PIEZO2: variants seen among roughly 807,000 people sequenced by gnomAD.
The protein encoded by PIEZO2 is piezo type mechanosensitive ion channel component 2.
A neutral mutation model predicts 337.3 loss-of-function variants in PIEZO2; 172 were observed. The ratio of observed to expected loss-of-function variants is 0.51; its 90% CI spans 0.45 to 0.58. The LOEUF is 0.58. Among genes scored for constraint, PIEZO2 ranks in the 20% least tolerant of loss-of-function variants. The pLI is 0.00. For synonymous variants in PIEZO2, 1,251 were observed against 1,228.5 expected (o/e 1.02, Z -0.38); for missense variants, 3,028 against 3,391.3 (o/e 0.89, Z 2.66).
chr18:10,694,039 A>C (rs1217984437), intron 47 of PIEZO2, among the ~76,000 whole-genome samples: 2 of 152,186 alleles, frequency 1.3e-5, no homozygotes, highest in Non-Finnish European at 2.9e-5. Flanking sequence ...GGAATGGAGA[A>C]CTGGGTTATT....
rs1598443833 is a variant in PIEZO2, at chr18:10,761,155, G to A, written c.3250-44C>T. The A allele has an allele frequency of 7.4e-6, 11 of 1,490,402 alleles. No homozygotes were observed. In the East Asian group the frequency reaches 2.5e-4, roughly 33 times the overall value. 92.3% of individuals were successfully genotyped at this position (1,490,402 alleles called of 1,614,324 possible). Reference sequence around the variant, plus strand: ...CAAATGTGTCAGCCAGAGGCTTTATGATTTGGTAATTTCAAGCAATCCCCA... The same window carrying A: ...CAAATGTGTCAGCCAGAGGCTTTATAATTTGGTAATTTCAAGCAATCCCCA... On this transcript the variant is annotated intron_variant, in intron 23 of 55. Coordinates refer to ENST00000674853, the MANE Select transcript of PIEZO2 (RefSeq NM_001378183.1).
In PIEZO2 at chr18:10,713,884, A is replaced by T. The variant is rs184257464; in HGVS notation, c.5423+880T>A. Reference sequence around the variant, plus strand: ...ACAGGGACTTCTGCTTTAATTTAGAATCTAGCTCTGTACAATTGTTATCAG... The same window carrying T: ...ACAGGGACTTCTGCTTTAATTTAGATTCTAGCTCTGTACAATTGTTATCAG... On this transcript the variant is annotated intron_variant, in intron 39 of 55. Coordinates refer to ENST00000674853, the MANE Select transcript of PIEZO2 (RefSeq NM_001378183.1). This position sits in a 1 kb window ranked among gnomAD's most constrained non-coding sequence, Gnocchi z 4.5. Among the ~76,000 whole-genome samples the T allele has an allele frequency of 2.5e-3, 375 of 152,294 alleles. 1 individual carries two copies. The highest frequency in any genetic ancestry group is 2.8e-3 in the Non-Finnish European group (192 of 68,018).
At chr18:11,093,286 A>G (rs986751856) in intron 1 of PIEZO2, among the ~76,000 whole-genome samples, 2 of 152,198 alleles carry the variant, frequency 1.3e-5, no homozygotes, top group Non-Finnish European at 2.9e-5. Flanking sequence ...AACACCCTAC[A>G]TGGCAAACCC....
Position 10,675,381 on chromosome 18 carries a change from C to T in PIEZO2, c.8082-93G>A, listed in dbSNP as rs1056429315. 1.0e-5 allele frequency: 7 copies of T among 690,676 alleles called. No homozygotes were observed. The African/African-American group carries it at 1.3e-4, about 13-fold the overall frequency. The allele number at this position is 690,676 out of a possible 1,614,324, so 42.8% of individuals were successfully genotyped here. A position where few individuals can be genotyped will look rare whatever the true frequency, so the allele number is the denominator to read the frequency against. On this transcript the variant is annotated intron_variant, in intron 53 of 55. Transcript: ENST00000674853. ...GTTGTTATTGTTGACCTTGTATCAC[C>T]AAATAATAGTGAAAGTTTCATATAT...
chr18:10,766,920 A>G lies in PIEZO2; in HGVS notation c.2946+3228T>C, dbSNP rs9964476. On this transcript the variant is annotated intron_variant, in intron 21 of 55. Transcript: ENST00000674853. This position sits in a 1 kb window ranked among gnomAD's most constrained non-coding sequence, Gnocchi z 6.1. Reference sequence around the variant, plus strand: ...GAGAGTGAAAATAATAACAATGATGAGACAGACAAGAAGGAGAAACCTCAG... The same window carrying G: ...GAGAGTGAAAATAATAACAATGATGGGACAGACAAGAAGGAGAAACCTCAG... Among the ~76,000 whole-genome samples, 2,080 of 152,248 alleles carry G rather than the reference A, an allele frequency of 0.014. 48 individuals are homozygous for G. Among genetic ancestry groups the G allele is most frequent in the African/African-American group, 0.048 (1,974 of 41,522 alleles).
At position 10,894,155 on chromosome 18, in the gene PIEZO2, A is replaced by G. The variant is rs916990635; in HGVS notation, c.329+17031T>C. ...TGGGTGAATGGGCTCAAGCATGTGC[A>G]TTAAGAGGCAAAATGGGCCAAGTGC... On this transcript the variant is annotated intron_variant, in intron 4 of 55. Transcript: ENST00000674853. This position sits in a 1 kb window ranked among gnomAD's most constrained non-coding sequence, Gnocchi z 4.1. 1.3e-5 allele frequency among the ~76,000 whole-genome samples: 2 copies of G among 152,154 alleles called. No homozygotes were observed. The highest frequency in any genetic ancestry group is 4.8e-5 in the African/African-American group (2 of 41,452).
chr18:10,731,608 A>T, intron 35 of PIEZO2, 87 bp from the exon 36 acceptor site: 1 of 791,384 alleles, frequency 1.3e-6, no homozygotes, highest in Non-Finnish European at 1.8e-6. Flanking sequence ...CTTTTGAAAT[A>T]TTTTTTCCTC....
intron 1 of PIEZO2, 51 bp from the exon 2 acceptor site, chr18:11,066,273 T>A: frequency 7.0e-7 from 1 of 1,433,876 alleles, no homozygotes; most frequent in Non-Finnish European, 9.5e-7. Flanking sequence ...CAAAGGCAGG[T>A]TGACAAAACC....
At chr18:10,700,122 A>T (rs2035271231) in intron 43 of PIEZO2, among the ~76,000 whole-genome samples, 1 of 152,190 alleles carries the variant, frequency 6.6e-6, no homozygotes, top group Non-Finnish European at 1.5e-5. Flanking sequence ...GTTTATATGG[A>T]TTTCTTTCCT....
chr18:10,961,591 A>G (rs958954818), intron 3 of PIEZO2, among the ~76,000 whole-genome samples: 1 of 152,220 alleles, frequency 6.6e-6, no homozygotes, highest in Non-Finnish European at 1.5e-5. Flanking sequence ...AAATTTTAAA[A>G]AAAGAAAAAA....
Position 10,788,427 on chromosome 18 carries a change from AAAGGAAGGAAGGAAGG to A in PIEZO2, c.2169+636_2169+651del, listed in dbSNP as rs10532745. Among the ~76,000 whole-genome samples, 223 of 123,960 alleles carry A rather than the reference AAAGGAAGGAAGGAAGG, an allele frequency of 1.8e-3. 1 individual carries two copies. The highest frequency in any genetic ancestry group is 4.5e-3 in the African/African-American group (147 of 32,564). The allele number at this position is 123,960 out of a possible 152,430, so 81.3% of individuals were successfully genotyped here. A position where few individuals can be genotyped will look rare whatever the true frequency, so the allele number is the denominator to read the frequency against. On this transcript the variant is annotated intron_variant, in intron 15 of 55. Coordinates refer to ENST00000674853, the MANE Select transcript of PIEZO2 (RefSeq NM_001378183.1). ...CTGTCTCAAAAAAAAAAAAAGAAAGAAAGGAAGGAAGGAAGGAAGGAAGGAAGGAAGGAAGGAAGGA... is the reference window on the plus strand; with the variant it reads ...CTGTCTCAAAAAAAAAAAAAGAAAGAAAGGAAGGAAGGAAGGAAGGAAGGA...
At chr18:11,124,106 A>G (rs548315947) in intron 1 of PIEZO2, among the ~76,000 whole-genome samples, 29 of 152,378 alleles carry the variant, frequency 1.9e-4, no homozygotes, top group African/African-American at 6.3e-4. Flanking sequence ...TTAGGTAAGT[A>G]TATATAATAT....
rs759333914 is a variant in PIEZO2, at chr18:10,705,407, G to A, written c.5928C>T (p.Thr1976=). 2.2e-5 allele frequency: 34 copies of A among 1,537,138 alleles called. No individual in the cohort carries two copies. In the Middle Eastern group the frequency reaches 6.7e-4, roughly 30 times the overall value. The change falls in exon 41 of 56, where the codon ACC becomes ACT. Residue 1976 remains threonine (T), a synonymous_variant. Coordinates refer to ENST00000674853, the MANE Select transcript of PIEZO2 (RefSeq NM_001378183.1). ...GTAAGATGCTGGACCCCAGCTTGTC[G>A]GTGCGGCTGTCGTCCGGGCTGACTG... is the stretch of plus-strand genomic sequence containing the variant. ...RMAVSPDDSR[T]DKLGSSILPP... is the part of the protein sequence containing the mutation.
intron 16 of PIEZO2, among the ~76,000 whole-genome samples, chr18:10,785,429 A>G (rs1284770518): frequency 1.3e-5 from 2 of 152,246 alleles, no homozygotes; most frequent in Non-Finnish European, 2.9e-5. Flanking sequence ...TCTACAGCGC[A>G]GGCTCCTCCT....
At position 10,903,439 on chromosome 18, in the gene PIEZO2, G is replaced by A. The variant is rs527660103; in HGVS notation, c.329+7747C>T. ...TCCCAGCACTTTGAGAGGCCAAGGC[G>A]GGCGGATCATGAGGTCAAGAGATCG... On this transcript the variant is annotated intron_variant, in intron 4 of 55. Transcript: ENST00000674853. This position sits in a 1 kb window ranked among gnomAD's most constrained non-coding sequence, Gnocchi z 4.1. 6.6e-5 allele frequency among the ~76,000 whole-genome samples: 10 copies of A among 152,200 alleles called. No homozygotes were observed. The highest frequency in any genetic ancestry group is 5.8e-4 in the East Asian group (3 of 5,182).
rs1388189321 is a variant in PIEZO2 at position 10,707,890 on chromosome 18, GAGA to G, written c.5588+382_5588+384del. On this transcript the variant is annotated intron_variant, in intron 40 of 55. Transcript: ENST00000674853. The surrounding 1 kb of genome is among the most constrained non-coding windows in gnomAD (Gnocchi z 4.2). ...TGCATGCATCTTTTGATTACATCAA[GAGA>G]AGAAGTTTTCTACCTTTGCAAACAG... Among the ~76,000 whole-genome samples, 3 of 152,094 alleles carry G rather than the reference GAGA, an allele frequency of 2.0e-5. No homozygotes were observed. The highest frequency in any genetic ancestry group is 2.9e-5 in the Non-Finnish European group (2 of 68,022).
In PIEZO2 at chr18:10,982,716, A is replaced by G. The variant is rs1450587111; in HGVS notation, c.161-3056T>C. Among the ~76,000 whole-genome samples, 2 of 151,932 alleles carry G rather than the reference A, an allele frequency of 1.3e-5. No homozygotes were observed. The highest frequency in any genetic ancestry group is 1.5e-5 in the Non-Finnish European group (1 of 68,008). ...AGATATTAAAATATGTTATAAAACC[A>G]TATGTTTATTTATTTTTTTTTTGAG... On this transcript the variant is annotated intron_variant, in intron 2 of 55. Transcript: ENST00000674853. This position sits in a 1 kb window ranked among gnomAD's most constrained non-coding sequence, Gnocchi z 4.1.
At chr18:11,007,388 T>A (rs2035758828) in intron 2 of PIEZO2, among the ~76,000 whole-genome samples, 1 of 152,048 alleles carries the variant, frequency 6.6e-6, no homozygotes, top group Admixed American at 6.6e-5. Context: ...ATTCAATGAG[T>A]TTTAGCAAAT....
chr18:10,837,281 C>T lies in PIEZO2; in HGVS notation c.917+18072G>A, dbSNP rs774410631. Among the ~76,000 whole-genome samples the T allele has an allele frequency of 1.8e-4, 28 of 152,168 alleles. No homozygotes were observed. The highest frequency in any genetic ancestry group is 3.2e-4 in the Non-Finnish European group (22 of 68,026). On this transcript the variant is annotated intron_variant, in intron 7 of 55. Transcript: ENST00000674853. This position sits in a 1 kb window ranked among gnomAD's most constrained non-coding sequence, Gnocchi z 4.4. ...TTTCCTAAGTCTAGAATGAGAAGAG[C>T]CTTTAAGTTCTCACTGATCCTCAAG...
Sources: allele counts gnomAD v4.1 joint callset (sites outside exome capture counted in the v4.1 genomes callset), GRCh38; gene constraint gnomAD v4.1.1; non-coding constraint Gnocchi (gnomAD v3.1); transcripts MANE v1.5; gene names NCBI Gene and HGNC (gene_info 2026-07-23, HGNC 2026-07-21).